Variants in PCDHGA2 observed in about 807,000 individuals in gnomAD.
The protein encoded by PCDHGA2 is protocadherin gamma-A2.
A neutral mutation model predicts 59.2 loss-of-function variants in PCDHGA2; 40 were observed. The ratio of observed to expected loss-of-function variants is 0.68; its 90% CI spans 0.52 to 0.88. The LOEUF (loss-of-function observed/expected upper bound fraction) is 0.88. Among genes scored for constraint, PCDHGA2 ranks in the 40% least tolerant of loss-of-function variants. The pLI, the probability that PCDHGA2 is intolerant of heterozygous loss-of-function variation, is 0.00. For synonymous variants in PCDHGA2, 560 were observed against 526.0 expected, an observed-to-expected ratio of 1.06 and a Z score of -0.89; for missense variants, 1,226 against 1,204.0, an observed-to-expected ratio of 1.02 and a Z score of -0.27.
intron 1 of PCDHGA2, among the ~76,000 whole-genome samples, chr5:141,458,436 C>T (rs2098945707): frequency 6.6e-6 from 1 of 152,056 alleles, no homozygotes; most frequent in Non-Finnish European, 1.5e-5. Context: ...AAGAGGAGGT[C>T]CCCCACATTA....
chr5:141,408,729 C>T (rs767933076), intron 1 of PCDHGA2: 9 of 1,610,240 alleles, frequency 5.6e-6, no homozygotes, highest in Non-Finnish European at 7.6e-6. Flanking sequence ...AACTCTAATC[C>T]TTATTTTTCA....
chr5:141,419,420 G>C (rs774685112), intron 1 of PCDHGA2: 10 of 1,613,372 alleles, frequency 6.2e-6, no homozygotes, highest in Non-Finnish European at 7.6e-6. Flanking sequence ...GCGCGCCTTC[G>C]ACCACGAGCA....
chr5:141,421,569 C>T (rs1029858235), intron 1 of PCDHGA2: 2 of 1,613,884 alleles, frequency 1.2e-6, no homozygotes, highest in Non-Finnish European at 1.7e-6. Flanking sequence ...TGGAAGACAC[C>T]TTGAAGATTT....
chr5:141,476,229 C>A lies in PCDHGA2; in HGVS notation c.2425-18578C>A, dbSNP rs761790915. The A allele has an allele frequency of 1.9e-6, 3 of 1,613,872 alleles. No homozygotes were observed. The South Asian group carries it at 3.3e-5, about 18-fold the overall frequency. ...TCCACGGTCATTCACTATGAGATCC[C>A]GGAGGAAAGAGAGAAGGGTTTCGCT... On this transcript the variant is annotated intron_variant, in intron 1 of 3. Transcript: ENST00000394576. This position sits in a 1 kb window ranked among gnomAD's most constrained non-coding sequence, Gnocchi z 7.6.
At chr5:141,371,418 G>T in intron 1 of PCDHGA2, 1 of 1,614,006 alleles carries the variant, frequency 6.2e-7, no homozygotes. Flanking sequence ...AGATGAAAAT[G>T]ACAATGCCCC....
chr5:141,405,800 C>T (rs1034546914), intron 1 of PCDHGA2, among the ~76,000 whole-genome samples: 11 of 147,346 alleles, frequency 7.5e-5, no homozygotes, highest in African/African-American at 2.5e-4. Flanking sequence ...TTATAGTTAG[C>T]TTTCTCTTTA....
intron 1 of PCDHGA2, chr5:141,409,662 TCTC>T (rs1473145245): frequency 2.5e-6 from 4 of 1,613,562 alleles, no homozygotes; most frequent in Admixed American, 1.7e-5. Context: ...AATGGCCACA[TCTC>T]CTACTCTATA....
Position 141,487,082 on chromosome 5 carries a change from G to A in PCDHGA2, c.2425-7725G>A, listed in dbSNP as rs2099639361. On this transcript the variant is annotated intron_variant, in intron 1 of 3. Transcript: ENST00000394576. The surrounding 1 kb of genome is among the most constrained non-coding windows in gnomAD (Gnocchi z 5.0). Reference sequence around the variant, plus strand: ...GCGGACGGCTGTTCCTATCCCAGCTGACCTCCCACCACAGAAGCTGGTCAT... The same window carrying A: ...GCGGACGGCTGTTCCTATCCCAGCTAACCTCCCACCACAGAAGCTGGTCAT... The A allele has an allele frequency of 8.1e-6, 13 of 1,614,056 alleles. No individual in the cohort carries two copies. The highest frequency in any genetic ancestry group is 1.1e-5 in the Non-Finnish European group (13 of 1,179,938).
intron 1 of PCDHGA2, chr5:141,392,992 C>T (rs1233401263): frequency 1.2e-6 from 2 of 1,613,700 alleles, no homozygotes; most frequent in Non-Finnish European, 8.5e-7. Flanking sequence ...CGGAAGCTGG[C>T]GAAGCACGGA....
intron 1 of PCDHGA2, among the ~76,000 whole-genome samples, chr5:141,469,061 G>C (rs960166489): frequency 1.3e-5 from 2 of 152,010 alleles, no homozygotes; most frequent in African/African-American, 4.8e-5. Flanking sequence ...AGGATTGCTT[G>C]AGCCTAGGAG....
chr5:141,410,809 G>C, intron 1 of PCDHGA2: 1 of 292,002 alleles, frequency 3.4e-6, no homozygotes, highest in Admixed American at 5.8e-5. Flanking sequence ...CTATCTTTTT[G>C]TAAAATAATG....
Position 141,383,803 on chromosome 5 carries a change from T to C in PCDHGA2, c.2424+42408T>C, listed in dbSNP as rs141242913. 756 of 1,613,958 alleles carry C rather than the reference T, an allele frequency of 4.7e-4. 3 individuals carry two copies. The highest frequency in any genetic ancestry group is 8.2e-4 in the Middle Eastern group (5 of 6,062). ...TCTGAACTCGCTTACAGGAGAAATA[T>C]CAACTTTAGAAGGATTAGATTATGA... On this transcript the variant is annotated intron_variant, in intron 1 of 3. Transcript: ENST00000394576.
chr5:141,387,473 G>T (rs1032850562), intron 1 of PCDHGA2, among the ~76,000 whole-genome samples: 4 of 152,190 alleles, frequency 2.6e-5, no homozygotes, highest in Non-Finnish European at 4.4e-5. Context: ...CCTCAAAGTT[G>T]GGATGAAGGC....
At chr5:141,397,254 A>G (rs961705126) in intron 1 of PCDHGA2, among the ~76,000 whole-genome samples, 12 of 152,184 alleles carry the variant, frequency 7.9e-5, no homozygotes, top group Non-Finnish European at 1.3e-4. Flanking sequence ...AGGGTATATC[A>G]TTTCTTAGCT....
chr5:141,366,403 C>CT (rs1296449913), intron 1 of PCDHGA2: 9 of 1,614,094 alleles, frequency 5.6e-6, no homozygotes, highest in African/African-American at 1.3e-5. Context: ...ACCTCACACT[C>CT]TATCTTGTGG....
intron 1 of PCDHGA2, among the ~76,000 whole-genome samples, chr5:141,451,329 A>G (rs991467686): frequency 2.6e-5 from 4 of 152,196 alleles, no homozygotes; most frequent in African/African-American, 9.6e-5. Context: ...ACCTAAGGCT[A>G]TTGTCTTATC....
chr5:141,432,940 T>C lies in PCDHGA2; in HGVS notation c.2425-61867T>C, dbSNP rs142546730. On this transcript the variant is annotated intron_variant, in intron 1 of 3. Transcript: ENST00000394576. This position sits in a 1 kb window ranked among gnomAD's most constrained non-coding sequence, Gnocchi z 6.0. ...GGCACAAGTCACGCCTGCTGCAGGC[T>C]TCAGGAGGCGGCTTGACAGGAGCGC... 6 of 1,614,208 alleles carry C rather than the reference T, an allele frequency of 3.7e-6. No individual in the cohort carries two copies. The highest frequency in any genetic ancestry group is 4.2e-6 in the Non-Finnish European group (5 of 1,180,040).
At chr5:141,390,064 C>A in intron 1 of PCDHGA2, 3 of 1,614,058 alleles carry the variant, frequency 1.9e-6, no homozygotes, top group Middle Eastern at 3.3e-4. Context: ...TGCTTCCAGC[C>A]TGGTCTCTGT....
At chr5:141,384,753 G>T (rs114533608) in intron 1 of PCDHGA2, 2 of 1,614,010 alleles carry the variant, frequency 1.2e-6, no homozygotes, top group African/African-American at 1.3e-5. Flanking sequence ...GACTCTTTGC[G>T]GTTGGGCTGT....
Sources: allele counts gnomAD v4.1 joint callset (sites outside exome capture counted in the v4.1 genomes callset), GRCh38; gene constraint gnomAD v4.1.1; non-coding constraint Gnocchi (gnomAD v3.1); transcripts MANE v1.5; gene names NCBI Gene and HGNC (gene_info 2026-07-23, HGNC 2026-07-21).